The following C14orf39 variants were observed in gnomAD, a reference collection of about 807,000 sequenced individuals.
The protein encoded by C14orf39 is chromosome 14 open reading frame 39.
C14orf39 carries 66 observed loss-of-function variants against 85.6 expected under a neutral mutation model. The observed-to-expected ratio is 0.77, with a 90% CI of 0.63 to 0.95. The LOEUF (loss-of-function observed/expected upper bound fraction) is 0.95, where lower values mean the gene tolerates loss of function less well. Ranked by LOEUF, C14orf39 falls within the 40% of genes least tolerant of loss-of-function variation. The pLI is 0.00. For missense variants in C14orf39, 735 were observed against 663.9 expected (o/e 1.11, Z -1.18); for synonymous variants, 242 against 214.0 (o/e 1.13, Z -1.14).
intron 14 of C14orf39, among the ~76,000 whole-genome samples, 166 bp downstream of exon 14, chr14:60,458,512 C>T (rs1387023090): frequency 6.6e-6 from 1 of 151,802 alleles, no homozygotes; most frequent in Non-Finnish European, 1.5e-5. Context: ...ATTTTTGTGG[C>T]TTCATCTTTT....
intron 5 of C14orf39, among the ~76,000 whole-genome samples, chr14:60,475,663 TG>T (rs1386294920): frequency 6.6e-6 from 1 of 152,176 alleles, no homozygotes; most frequent in Non-Finnish European, 1.5e-5. Context: ...TCATGGCAGA[TG>T]TTGGCCCACA....
chr14:60,491,835 T>A lies in C14orf39; in HGVS notation c.-8-6749A>T, dbSNP rs533363008. Among the ~76,000 whole-genome samples, 157 of 151,040 alleles carry A rather than the reference T, an allele frequency of 1.0e-3. 3 individuals carry two copies. In the Middle Eastern group the frequency reaches 0.024, roughly 23 times the overall value. The stretch of plus-strand genomic sequence containing the variant: ...CTCTTTTTCTCTCTCTCTCTCTCTC[T>A]CACACACACACACATCCCTATGTTA... On this transcript the variant is annotated intron_variant, in intron 2 of 5. Coordinates refer to the C14orf39 transcript ENST00000556799. This position sits in a 1 kb window ranked among gnomAD's most constrained non-coding sequence, Gnocchi z 4.5.
chr14:60,507,877 C>A (rs1168467592), intron 1 of C14orf39, among the ~76,000 whole-genome samples: 1 of 152,188 alleles, frequency 6.6e-6, no homozygotes, highest in Admixed American at 6.5e-5. Context: ...TGTTATACAG[C>A]CCCCTACCAG....
chr14:60,512,788 G>A (rs1049783026), intron 1 of C14orf39: 7 of 152,174 alleles, frequency 4.6e-5, no homozygotes, highest in African/African-American at 1.7e-4. Context: ...GCTAGCCAGA[G>A]TCTCTAATTT....
intron 8 of C14orf39, 81 bp from the exon 9 acceptor site, chr14:60,468,617 T>A: frequency 1.4e-6 from 1 of 704,190 alleles, no homozygotes; most frequent in Non-Finnish European, 2.2e-6. Flanking sequence ...TTATGTTTTT[T>A]CTATATAATC....
At chr14:60,469,505 T>C (rs776715283) in intron 8 of C14orf39, 28 bp downstream of exon 8, 8 of 1,034,892 alleles carry the variant, frequency 7.7e-6, no homozygotes, top group Non-Finnish European at 1.1e-5. Context: ...TTAATACACA[T>C]ATTAGAAATA....
intron 5 of C14orf39, among the ~76,000 whole-genome samples, chr14:60,474,563 G>C (rs2140134330): frequency 6.6e-6 from 1 of 151,914 alleles, no homozygotes; most frequent in Non-Finnish European, 1.5e-5. Flanking sequence ...TTATTATTTT[G>C]AGATACGTCC....
chr14:60,507,104 C>T (rs189514954), intron 1 of C14orf39, among the ~76,000 whole-genome samples: 3 of 152,252 alleles, frequency 2.0e-5, no homozygotes, highest in African/African-American at 7.2e-5. Context: ...TGTAAGGTCT[C>T]CGCGGACCCC....
At chr14:60,468,916 A>G (rs1363574240) in intron 8 of C14orf39, among the ~76,000 whole-genome samples, 1 of 151,566 alleles carries the variant, frequency 6.6e-6, no homozygotes, top group Non-Finnish European at 1.5e-5. Flanking sequence ...TTAATGAAAG[A>G]TAAGTATACA....
chr14:60,478,381 G>T lies in C14orf39; in HGVS notation c.242C>A (p.Pro81Gln). ...ATGTTTACGAAAAACATCACATGTT[G>T]GCTTCCAGCTATAGAAAAAAATATA... ...EIKDNCRNWKPTCDVFRKHED... is the reference protein window; with the variant it reads ...EIKDNCRNWKQTCDVFRKHED... The change falls in exon 5 of 18, where the codon CCA becomes CAA. Residue 81 changes from proline to glutamine, a missense_variant. Pro to Gln is a moderately conservative substitution (Grantham distance 76, BLOSUM62 -1). Coordinates refer to ENST00000321731, the MANE Select transcript of C14orf39 (RefSeq NM_174978.3). The T allele has an allele frequency of 6.4e-7, 1 of 1,561,508 alleles. No individual in the cohort carries two copies. The highest frequency in any genetic ancestry group is 8.7e-7 in the Non-Finnish European group (1 of 1,155,610).
chr14:60,444,488 C>T (rs549782595), intron 16 of C14orf39, among the ~76,000 whole-genome samples: 1 of 151,988 alleles, frequency 6.6e-6, no homozygotes, highest in Non-Finnish European at 1.5e-5. Context: ...AGCAAGAAGA[C>T]AAGATTAGAG....
chr14:60,462,774 T>C (rs1438905988), intron 11 of C14orf39, among the ~76,000 whole-genome samples: 2 of 152,094 alleles, frequency 1.3e-5, no homozygotes, highest in African/African-American at 4.8e-5. Context: ...ATGAGATTTT[T>C]TTCAAGGTCT....
chr14:60,511,057 G>T, intron 1 of C14orf39: 1 of 1,609,676 alleles, frequency 6.2e-7, no homozygotes, highest in South Asian at 1.1e-5. Flanking sequence ...TACGAGCTGT[G>T]ACCCGTGTTC....
At chr14:60,501,803 G>A (rs1893153692) in intron 1 of C14orf39, among the ~76,000 whole-genome samples, 1 of 152,104 alleles carries the variant, frequency 6.6e-6, no homozygotes, top group Admixed American at 6.6e-5. Context: ...TGAGACCCAG[G>A]ACAAGATGGA....
At position 60,442,122 on chromosome 14, in the gene C14orf39, G is replaced by A; in HGVS notation, c.1513C>T (p.His505Tyr). 2 of 1,603,414 alleles carry A rather than the reference G, an allele frequency of 1.2e-6. No individual in the cohort carries two copies. The highest frequency in any genetic ancestry group is 2.2e-5 in the East Asian group (1 of 44,614). ...GGATTTAGATTTCTTGCAGAATAAT[G>A]TTCATTAAACTGGAAAATAATTTCC... ...TEISSDQFNE[H>Y]YSARNLNPLS... is the part of the protein sequence containing the mutation. Residue 505 changes from histidine to tyrosine, a missense_variant, in exon 17 of 18, where the codon CAT (histidine) becomes TAT (tyrosine). Transcript: ENST00000321731.
intron 5 of C14orf39, among the ~76,000 whole-genome samples, chr14:60,473,498 T>C (rs1208219686): frequency 1.3e-5 from 2 of 152,180 alleles, no homozygotes; most frequent in African/African-American, 2.4e-5. Context: ...ACCTGAATGG[T>C]ATTGCCTAGG....
At chr14:60,452,928 CT>C (rs1329324575) in intron 16 of C14orf39, among the ~76,000 whole-genome samples, 2 of 152,136 alleles carry the variant, frequency 1.3e-5, no homozygotes, top group African/African-American at 2.4e-5. Flanking sequence ...AGAACATACT[CT>C]GATTTCAATC....
chr14:60,482,402 T>C (rs748575348), intron 4 of C14orf39, among the ~76,000 whole-genome samples: 24 of 152,318 alleles, frequency 1.6e-4, no homozygotes, highest in Admixed American at 3.3e-4. Flanking sequence ...TATGAGGAAA[T>C]AGGAACTCTC....
rs77421456 is a variant in C14orf39, at chr14:60,453,043, G to A, written c.1503+1958C>T. ...AATATATATGCTGCAGTTGCTGGAT[G>A]TGATGTACTATAAAGGTCAATTAGA... On this transcript the variant is annotated intron_variant, in intron 16 of 17. Coordinates refer to ENST00000321731, the MANE Select transcript of C14orf39 (RefSeq NM_174978.3). Among the ~76,000 whole-genome samples the A allele has an allele frequency of 3.1e-3, 477 of 152,192 alleles. 3 individuals are homozygous for A. The highest frequency in any genetic ancestry group is 5.2e-3 in the Non-Finnish European group (351 of 67,958).
Sources: gnomAD v4.1 joint callset for allele counts (sites outside exome capture counted in the v4.1 genomes callset) on GRCh38, gnomAD v4.1.1 for gene constraint, Gnocchi (gnomAD v3.1) non-coding constraint, MANE v1.5 for transcripts, NCBI Gene and HGNC (gene_info 2026-07-23, HGNC 2026-07-21) for gene names.